The following COL6A2 variants were observed in gnomAD, a reference collection of about 807,000 sequenced individuals.
The protein encoded by COL6A2 is collagen type VI alpha 2 chain, also known as collagen alpha-2(VI) chain.
A neutral mutation model predicts 124.9 loss-of-function variants in COL6A2; 90 were observed. The observed-to-expected ratio is 0.72, with a 90% CI of 0.61 to 0.86. The LOEUF is 0.86. COL6A2 is among the 40% of genes least tolerant of loss of function. COL6A2 has a pLI of 0.00. For missense variants in COL6A2, 1,607 were observed against 1,502.5 expected (o/e 1.07, Z -1.15); for synonymous variants, 793 against 618.2 (o/e 1.28, Z -4.19).
intron 1 of COL6A2, 65 bp from the exon 2 acceptor site, chr21:46,111,385 C>G: frequency 1.1e-6 from 1 of 913,522 alleles, no homozygotes; most frequent in Non-Finnish European, 1.8e-6. Flanking sequence ...CGTGCGCCTG[C>G]CATGGGGGAG....
intron 15 of COL6A2, 107 bp downstream of exon 15, chr21:46,119,957 C>T: frequency 4.1e-6 from 4 of 976,704 alleles, no homozygotes; most frequent in Non-Finnish European, 6.4e-6. Flanking sequence ...AACCCCAGGG[C>T]CTCACTCTCC....
rs2078568739 is a variant in COL6A2, at chr21:46,121,666, G to C, written c.1521+48G>C. ...GACGTATTAGGGGTTCGGGGCAGCT[G>C]CCTGAGGAGCAGGACAGGGGGCCGG... On this transcript the variant is annotated intron_variant, in intron 18 of 27. Coordinates refer to ENST00000300527, the MANE Select transcript of COL6A2 (RefSeq NM_001849.4). The C allele has an allele frequency of 1.9e-6, 3 of 1,593,408 alleles. No individual in the cohort carries two copies. In the South Asian group the frequency reaches 3.3e-5, roughly 18 times the overall value.
intron 5 of COL6A2, among the ~76,000 whole-genome samples, chr21:46,114,949 C>T (rs2078451133): frequency 6.6e-6 from 1 of 152,248 alleles, no homozygotes; most frequent in Non-Finnish European, 1.5e-5. Context: ...TCGTGTTTTT[C>T]TAAATTTGGA....
rs564086839 is a variant in COL6A2 at position 46,132,708 on chromosome 21, G to A, written c.*156G>A. 106 of 752,322 alleles carry A rather than the reference G, an allele frequency of 1.4e-4. No individual in the cohort carries two copies. The highest frequency in any genetic ancestry group is 1.0e-3 in the South Asian group (61 of 58,194). 46.6% of individuals were successfully genotyped at this position (752,322 alleles called of 1,614,324 possible). ...CCTCCCACGGGGTCCCCGTAGCCCC[G>A]GCCCCCGCCCAGCCCCAGGTCTCCC... On this transcript the variant is annotated 3_prime_UTR_variant, in exon 28 of 28. Transcript: ENST00000300527.
At chr21:46,099,947 G>GC (rs2078271629) in intron 1 of COL6A2, among the ~76,000 whole-genome samples, 1 of 141,112 alleles carries the variant, frequency 7.1e-6, no homozygotes, top group Non-Finnish European at 1.5e-5. Context: ...GCCTTGTTGG[G>GC]GGGTTTGTTC....
chr21:46,115,765 AAT>A, intron 5 of COL6A2, 105 bp from the exon 6 acceptor site: 1 of 978,474 alleles, frequency 1.0e-6, no homozygotes, highest in Non-Finnish European at 1.6e-6. Context: ...TGGGCAGGGG[AAT>A]CAGTAACCTC....
intron 4 of COL6A2, chr21:46,113,080 G>A: frequency 1.7e-6 from 1 of 575,728 alleles, no homozygotes; most frequent in Non-Finnish European, 3.1e-6. Context: ...CGAGGGTCTG[G>A]CCTCCGGGCA....
At chr21:46,117,119 A>T (rs1275621512) in intron 10 of COL6A2, among the ~76,000 whole-genome samples, 2 of 151,036 alleles carry the variant, frequency 1.3e-5, no homozygotes, top group African/African-American at 4.9e-5. Context: ...AGCCCCACCC[A>T]CTCCTTCCAT....
intron 1 of COL6A2, 36 bp downstream of exon 1, chr21:46,098,209 C>T (rs2078246473): frequency 6.6e-6 from 1 of 152,134 alleles, no homozygotes; most frequent in Non-Finnish European, 1.5e-5. Context: ...CTGGAAGCCG[C>T]TCGGCCCGCG....
chr21:46,123,157 C>A (rs1208981466), intron 21 of COL6A2, among the ~76,000 whole-genome samples: 1 of 115,204 alleles, frequency 8.7e-6, no homozygotes, highest in Non-Finnish European at 1.8e-5. Context: ...CCCCAACATC[C>A]CCCCCACAGC....
Position 46,126,207 on chromosome 21 carries a change from A to G in COL6A2, c.2392A>G (p.Ile798Val). ...LFSDLVAEKF[I>V]DDMEDVLCPD... ...CTCCGACCTGGTCGCTGAGAAGTTC[A>G]TCGATGACATGGAGGACGTCCTCTG... Residue 798 changes from isoleucine to valine, a missense_variant, in exon 26 of 28, where the codon ATC (isoleucine) becomes GTC (valine). Physicochemically the swap from Ile to Val is conservative, Grantham distance 29 (BLOSUM62 3). This residue lies in a region of COL6A2 where 1,223 missense variants were observed against 1,052.2 expected (regional missense o/e 1.16). Coordinates refer to ENST00000300527, the MANE Select transcript of COL6A2 (RefSeq NM_001849.4). 2 of 1,601,518 alleles carry G rather than the reference A, an allele frequency of 1.2e-6. No individual in the cohort carries two copies. The highest frequency in any genetic ancestry group is 1.1e-5 in the South Asian group (1 of 91,064).
intron 18 of COL6A2, 99 bp from the exon 19 acceptor site, chr21:46,122,009 C>T (rs2078574141): frequency 3.1e-6 from 4 of 1,297,002 alleles, no homozygotes; most frequent in Non-Finnish European, 4.4e-6. Context: ...ACCCCTAGCC[C>T]ACTTCCACCC....
chr21:46,128,770 C>A, intron 27 of COL6A2: 1 of 804,834 alleles, frequency 1.2e-6, no homozygotes, highest in South Asian at 1.4e-5. Context: ...GGACTCACAT[C>A]CCAGAGAGGC....
In COL6A2 at chr21:46,107,785, G is replaced by A. The variant is rs563589539; in HGVS notation, c.-27-3665G>A. Among the ~76,000 whole-genome samples, 6 of 152,138 alleles carry A rather than the reference G, an allele frequency of 3.9e-5. No individual in the cohort carries two copies. The South Asian group carries it at 8.3e-4, about 21-fold the overall frequency. On this transcript the variant is annotated intron_variant, in intron 1 of 27. Transcript: ENST00000300527. The stretch of plus-strand genomic sequence containing the variant: ...TGTAGCCTGGAAGCCATCTCTCCCC[G>A]CTTTGAATTTTCCTGCCTTTCTGGA...
chr21:46,106,836 C>T (rs2078340057), intron 1 of COL6A2, among the ~76,000 whole-genome samples: 1 of 152,194 alleles, frequency 6.6e-6, no homozygotes, highest in Admixed American at 6.5e-5. Context: ...TTTCTCATCA[C>T]TCTATTTTTT....
intron 25 of COL6A2, 36 bp downstream of exon 25, chr21:46,125,653 G>A: frequency 1.3e-6 from 2 of 1,597,446 alleles, no homozygotes; most frequent in Non-Finnish European, 1.7e-6. Context: ...CATTGCGGGG[G>A]GCCGGGCGGG....
chr21:46,118,014 A>C (rs913958116), intron 12 of COL6A2, 78 bp downstream of exon 12: 12 of 1,413,996 alleles, frequency 8.5e-6, no homozygotes, highest in Non-Finnish European at 1.1e-5. Flanking sequence ...CCCAGCTGAG[A>C]AGCTGAGCAG....
intron 20 of COL6A2, 84 bp from the exon 21 acceptor site, chr21:46,122,791 C>T (rs550058590): frequency 1.4e-5 from 20 of 1,390,620 alleles, no homozygotes; most frequent in African/African-American, 5.7e-5. Flanking sequence ...AATGCCAGAT[C>T]GATTTTTCCA....
At chr21:46,128,637 C>T (rs547459607) in intron 27 of COL6A2, among the ~76,000 whole-genome samples, 6 of 152,316 alleles carry the variant, frequency 3.9e-5, no homozygotes, top group Non-Finnish European at 8.8e-5. Flanking sequence ...CAGGGCAGGG[C>T]GCAATCAGCG....
Sources: allele counts gnomAD v4.1 joint callset (sites outside exome capture counted in the v4.1 genomes callset), GRCh38; gene constraint gnomAD v4.1.1; regional missense constraint gnomAD v4.1.1; transcripts MANE v1.5; gene names NCBI Gene and HGNC (gene_info 2026-07-23, HGNC 2026-07-21).